The following PELI1 variants were observed in gnomAD, a reference collection of about 807,000 sequenced individuals.
PELI1 encodes the protein pellino E3 ubiquitin protein ligase 1, also known as E3 ubiquitin-protein ligase pellino homolog 1.
A neutral mutation model predicts 41.3 loss-of-function variants in PELI1; 15 were observed. That is an observed-to-expected ratio of 0.36 (90% CI 0.24 to 0.56). The LOEUF (loss-of-function observed/expected upper bound fraction) is 0.56, where lower values mean the gene tolerates loss of function less well. PELI1 is among the 20% of genes least tolerant of loss of function. The pLI, the probability that PELI1 is intolerant of heterozygous loss-of-function variation, is 0.82. For synonymous variants in PELI1, 178 were observed against 180.1 expected, an observed-to-expected ratio of 0.99 and a Z score of 0.09; for missense variants, 403 against 525.5, an observed-to-expected ratio of 0.77 and a Z score of 2.28.
intron 1 of PELI1, chr2:64,143,553 TAGC>T (rs1346844617): frequency 6.6e-6 from 1 of 152,078 alleles, no homozygotes; most frequent in Non-Finnish European, 1.5e-5. Context: ...TGAAATTAAT[TAGC>T]GTGTTTAAAA....
rs1680691666 is a variant in PELI1 at position 64,108,392 on chromosome 2, A to C, written c.-69-13T>G. ...TTTGCATTATTTCCTAGAGGGGAAA[A>C]GTTTTCATTAATAATGTGAACAATT... On this transcript the variant is annotated splice_polypyrimidine_tract_variant and intron_variant, in intron 1 of 6. Transcript: ENST00000358912. The C allele has an allele frequency of 2.0e-5, 16 of 804,852 alleles. No homozygotes were observed. The South Asian group carries it at 2.3e-4, about 12-fold the overall frequency. The allele number at this position is 804,852 out of a possible 1,614,324, so 49.9% of individuals were successfully genotyped here.
intron 1 of PELI1, among the ~76,000 whole-genome samples, chr2:64,128,324 C>G (rs1681454289): frequency 6.6e-6 from 1 of 151,924 alleles, no homozygotes; most frequent in Non-Finnish European, 1.5e-5. Context: ...AACACTTTTA[C>G]CCTCTAGAAT....
chr2:64,135,895 G>C (rs760818904), intron 1 of PELI1, among the ~76,000 whole-genome samples: 22 of 152,290 alleles, frequency 1.4e-4, no homozygotes, highest in Non-Finnish European at 3.2e-4. Flanking sequence ...TTACACATCT[G>C]AGCCTTAGCT....
chr2:64,123,385 C>T (rs1035241003), intron 1 of PELI1, among the ~76,000 whole-genome samples: 4 of 152,044 alleles, frequency 2.6e-5, no homozygotes, highest in Admixed American at 2.6e-4. Context: ...CCATAGGTAA[C>T]CCACATAATG....
In PELI1 at chr2:64,128,118, G is replaced by A. The variant is rs539406248; in HGVS notation, c.-70+15963C>T. Among the ~76,000 whole-genome samples the A allele has an allele frequency of 4.1e-4, 63 of 152,220 alleles. No homozygotes were observed. In the South Asian group the frequency reaches 0.012, roughly 29 times the overall value. On this transcript the variant is annotated intron_variant, in intron 1 of 6. Coordinates refer to ENST00000358912, the MANE Select transcript of PELI1 (RefSeq NM_020651.4). Reference sequence around the variant, plus strand: ...CCTATTTGTATCAAAACTGAGATTCGAAGGTGTGTACAGGGGTAAGGAGCA... The same window carrying A: ...CCTATTTGTATCAAAACTGAGATTCAAAGGTGTGTACAGGGGTAAGGAGCA...
intron 1 of PELI1, among the ~76,000 whole-genome samples, chr2:64,110,509 A>AAAAT (rs1486462651): frequency 2.0e-5 from 3 of 152,332 alleles, no homozygotes; most frequent in Non-Finnish European, 2.9e-5. Flanking sequence ...AACTAAACAG[A>AAAAT]AAATAAATAA....
chr2:64,142,716 G>A (rs563528547), intron 1 of PELI1, among the ~76,000 whole-genome samples: 9 of 152,206 alleles, frequency 5.9e-5, no homozygotes, highest in African/African-American at 2.2e-4. Context: ...AACTGAAACA[G>A]AACTGAATAA....
At chr2:64,130,628 A>G (rs1025539869) in intron 1 of PELI1, among the ~76,000 whole-genome samples, 1 of 152,230 alleles carries the variant, frequency 6.6e-6, no homozygotes, top group African/African-American at 2.4e-5. Context: ...TGCAGCACTT[A>G]ATATTGAAGA....
intron 3 of PELI1, among the ~76,000 whole-genome samples, chr2:64,103,125 AGC>A (rs1475422460): frequency 1.3e-5 from 2 of 152,148 alleles, no homozygotes; most frequent in African/African-American, 4.8e-5. Context: ...TATAGGTGTG[AGC>A]TACCGCACCC....
chr2:64,097,796 CT>C lies in PELI1; in HGVS notation c.304-1187del, dbSNP rs1360494120. 1.2e-4 allele frequency among the ~76,000 whole-genome samples: 18 copies of C among 152,158 alleles called. 1 individual carries two copies. Among genetic ancestry groups the C allele is most frequent in the Admixed American group, 3.3e-4 (5 of 15,284 alleles). ...TATCGGCACACTTTCAGATAAACCT[CT>C]TTAGTGTTTTTGTCCAACTGTCAAG... On this transcript the variant is annotated intron_variant, in intron 4 of 6. Coordinates refer to ENST00000358912, the MANE Select transcript of PELI1 (RefSeq NM_020651.4).
Position 64,096,514 on chromosome 2 carries a change from T to C in PELI1, c.400A>G (p.Ile134Val), listed in dbSNP as rs1680242719. The C allele has an allele frequency of 1.2e-6, 2 of 1,610,926 alleles. No individual in the cohort carries two copies. The highest frequency in any genetic ancestry group is 1.7e-6 in the Non-Finnish European group (2 of 1,177,070). ...NSDTQSVQST[I>V]SRFACRIICE... is the part of the protein sequence containing the mutation. ...ATGATTCTGCAGGCAAATCTTGATATAGTGCTTTGTACTGACTGTGTATCA... is the reference window on the plus strand; with the variant it reads ...ATGATTCTGCAGGCAAATCTTGATACAGTGCTTTGTACTGACTGTGTATCA... Residue 134 changes from isoleucine to valine, a missense_variant, in exon 5 of 7, where the codon ATA becomes GTA. Physicochemically the swap from Ile to Val is conservative, Grantham distance 29. Coordinates refer to ENST00000358912, the MANE Select transcript of PELI1 (RefSeq NM_020651.4).
intron 3 of PELI1, among the ~76,000 whole-genome samples, chr2:64,102,331 CAT>C (rs201212242): frequency 6.6e-6 from 1 of 151,540 alleles, no homozygotes; most frequent in South Asian, 2.1e-4. Flanking sequence ...CATATATATA[CAT>C]ATATATATAC....
intron 3 of PELI1, chr2:64,104,494 GGT>G (rs1439241839): frequency 1.1e-5 from 7 of 657,252 alleles, no homozygotes; most frequent in Admixed American, 3.9e-5. Context: ...CACTGATCCT[GGT>G]TTGTCATTTT....
intron 1 of PELI1, among the ~76,000 whole-genome samples, chr2:64,111,587 T>C (rs919085979): frequency 6.6e-6 from 1 of 152,202 alleles, no homozygotes; most frequent in Non-Finnish European, 1.5e-5. Flanking sequence ...GAAACCAATA[T>C]ATTGCTATTT....
intron 1 of PELI1, among the ~76,000 whole-genome samples, chr2:64,121,301 G>A (rs1278845830): frequency 1.3e-5 from 2 of 152,202 alleles, no homozygotes; most frequent in Non-Finnish European, 2.9e-5. Context: ...GAATGTAGTT[G>A]TAGCTGACTC....
rs13421554 is a variant in PELI1 at position 64,108,374 on chromosome 2, T to C, written c.-64A>G. On this transcript the variant is annotated 5_prime_UTR_variant, in exon 2 of 7. In the 5' UTR this introduces an upstream ATG that the reference lacks. Coordinates refer to ENST00000358912, the MANE Select transcript of PELI1 (RefSeq NM_020651.4). ...AGGAGCCTTGGGACACCTTTTGCAT[T>C]ATTTCCTAGAGGGGAAAAGTTTTCA... is the stretch of plus-strand genomic sequence containing the variant. 1.1e-4 allele frequency: 106 copies of C among 938,002 alleles called. 1 individual carries two copies. Among genetic ancestry groups the C allele is most frequent in the African/African-American group, 4.9e-4 (30 of 61,202 alleles). 58.1% of individuals were successfully genotyped at this position (938,002 alleles called of 1,614,324 possible).
intron 1 of PELI1, chr2:64,143,109 T>C (rs181888277): frequency 8.5e-5 from 13 of 152,312 alleles, no homozygotes; most frequent in African/African-American, 3.1e-4. Context: ...CTGTTAAATG[T>C]ACATTTTTAA....
intron 1 of PELI1, among the ~76,000 whole-genome samples, chr2:64,133,640 A>G (rs2103739669): frequency 6.6e-6 from 1 of 152,178 alleles, no homozygotes; most frequent in East Asian, 1.9e-4. Context: ...TGAAATATAT[A>G]AGGTCACATA....
chr2:64,130,993 A>C (rs1341508782), intron 1 of PELI1, among the ~76,000 whole-genome samples: 1 of 152,142 alleles, frequency 6.6e-6, no homozygotes, highest in Admixed American at 6.5e-5. Flanking sequence ...TTTTCAGACT[A>C]AAATCAGTTC....
Sources: allele counts gnomAD v4.1 joint callset (sites outside exome capture counted in the v4.1 genomes callset), GRCh38; gene constraint gnomAD v4.1.1; transcripts MANE v1.5; gene names NCBI Gene and HGNC (gene_info 2026-07-23, HGNC 2026-07-21).